DDA1: variants seen among roughly 807,000 people sequenced by gnomAD.
DDA1 encodes the protein DET1- and DDB1-associated protein 1.
Under a neutral mutation model 18.6 loss-of-function variants are expected in DDA1, and 3 were observed. The observed-to-expected ratio is 0.16, with a 90% confidence interval of 0.07 to 0.42. DDA1 has a LOEUF of 0.42. Among genes scored for constraint, DDA1 ranks in the 10% least tolerant of loss-of-function variants. The pLI is 0.99. For missense variants in DDA1, 105 were observed against 138.2 expected (o/e 0.76, Z 1.20); for synonymous variants, 52 against 54.0 (o/e 0.96, Z 0.17).
At chr19:17,311,489 CCA>C (rs2074178853) in intron 1 of DDA1, among the ~76,000 whole-genome samples, 1 of 152,124 alleles carries the variant, frequency 6.6e-6, no homozygotes, top group Non-Finnish European at 1.5e-5. Flanking sequence ...TCAAATGATA[CCA>C]CTTTCTAGCC....
chr19:17,316,754 T>A (rs1217463011), intron 4 of DDA1, among the ~76,000 whole-genome samples: 1 of 151,688 alleles, frequency 6.6e-6, no homozygotes, highest in Non-Finnish European at 1.5e-5. Context: ...GGTGGGCGCC[T>A]GTAGTCCCAG....
At chr19:17,317,098 G>A (rs1339993563) in intron 4 of DDA1, among the ~76,000 whole-genome samples, 2 of 152,038 alleles carry the variant, frequency 1.3e-5, no homozygotes, top group Non-Finnish European at 2.9e-5. Flanking sequence ...GGTGGCGCAC[G>A]CCTGTAATCC....
Position 17,316,002 on chromosome 19 carries a change from C to G in DDA1, c.198+7C>G. On this transcript the variant is annotated splice_region_variant and intron_variant, in intron 4 of 4. Coordinates refer to ENST00000359866, the MANE Select transcript of DDA1 (RefSeq NM_024050.6). ...TCAGCAATGGGACAAAAAGGTGAGG[C>G]CCACAGGGCTCTGGTGCAGGGATTG... is the stretch of plus-strand genomic sequence containing the variant. The G allele has an allele frequency of 6.2e-7, 1 of 1,614,106 alleles. No homozygotes were observed. Among genetic ancestry groups the G allele is most frequent in the Non-Finnish European group, 8.5e-7 (1 of 1,179,952 alleles).
chr19:17,315,200 T>TATACGCACGTATATAC lies in DDA1; in HGVS notation c.137-733_137-732insTACGCACGTATATACA. Among the ~76,000 whole-genome samples, 5 of 13,778 alleles carry TATACGCACGTATATAC rather than the reference T, an allele frequency of 3.6e-4. 2 individuals are homozygous for TATACGCACGTATATAC. Among genetic ancestry groups the TATACGCACGTATATAC allele is most frequent in the African/African-American group, 3.0e-3 (5 of 1,668 alleles). The allele number at this position is 13,778 out of a possible 152,430, so 9.0% of individuals were successfully genotyped here. A position where few individuals can be genotyped will look rare whatever the true frequency, so the allele number is the denominator to read the frequency against. On this transcript the variant is annotated intron_variant, in intron 3 of 4. Coordinates refer to ENST00000359866, the MANE Select transcript of DDA1 (RefSeq NM_024050.6). ...ACACACGTGTATACACACACGTGTA[T>TATACGCACGTATATAC]ACACACGTGTATATACACACACGTG... is the stretch of plus-strand genomic sequence containing the variant.
rs1568353831 is a variant in DDA1, at chr19:17,315,229, ACACACACACG to A, written c.137-704_137-695del. Among the ~76,000 whole-genome samples, 98 of 36,628 alleles carry A rather than the reference ACACACACACG, an allele frequency of 2.7e-3. 22 individuals are homozygous for A. Among genetic ancestry groups the A allele is most frequent in the Middle Eastern group, 0.027 (2 of 74 alleles). The allele number at this position is 36,628 out of a possible 152,430, so 24.0% of individuals were successfully genotyped here. On this transcript the variant is annotated intron_variant, in intron 3 of 4. Coordinates refer to ENST00000359866, the MANE Select transcript of DDA1 (RefSeq NM_024050.6). ...CACGTGTATATACACACACGTGTAT[ACACACACACG>A]TGTATATACACACACGTGTATATAC...
intron 4 of DDA1, among the ~76,000 whole-genome samples, chr19:17,318,147 G>A (rs552736880): frequency 1.3e-5 from 2 of 151,992 alleles, no homozygotes. Context: ...CCACCTCCCA[G>A]GTTCAAGCAA....
intron 1 of DDA1, among the ~76,000 whole-genome samples, chr19:17,313,691 C>T (rs557719608): frequency 2.7e-4 from 41 of 152,276 alleles, no homozygotes; most frequent in African/African-American, 9.9e-4. Flanking sequence ...GATGCGCCCG[C>T]CTCGGCCTCC....
At chr19:17,309,768 C>T in intron 1 of DDA1, 111 bp downstream of exon 1, 1 of 1,378,716 alleles carries the variant, frequency 7.3e-7, no homozygotes, top group East Asian at 2.6e-5. Context: ...CCGGTCCCCT[C>T]AGGTCCGGCC....
In DDA1 at chr19:17,320,418, C is replaced by A. The variant is rs900844373; in HGVS notation, c.*762C>A. 2 of 152,298 alleles carry A rather than the reference C, an allele frequency of 1.3e-5. No homozygotes were observed. Among genetic ancestry groups the A allele is most frequent in the African/African-American group, 2.4e-5 (1 of 41,450 alleles). The allele number at this position is 152,298 out of a possible 1,614,324, so 9.4% of individuals were successfully genotyped here. On this transcript the variant is annotated 3_prime_UTR_variant, in exon 5 of 5. Transcript: ENST00000359866. ...CAGGGGCCCCAGGACCGGCTGGATT[C>A]TCTCGTGGGCTTGCTGAGGCCACCA...
chr19:17,310,982 C>T (rs1473026020), intron 1 of DDA1, among the ~76,000 whole-genome samples: 6 of 151,938 alleles, frequency 3.9e-5, no homozygotes, highest in Admixed American at 1.3e-4. Flanking sequence ...CTCACTCTGG[C>T]GCCCAGACTG....
chr19:17,319,104 G>A (rs2074227391), intron 4 of DDA1, among the ~76,000 whole-genome samples: 1 of 152,216 alleles, frequency 6.6e-6, no homozygotes, highest in Admixed American at 6.5e-5. Context: ...CTGAGTGCTT[G>A]AGAAACCAGC....
rs148196076 is a variant in DDA1, at chr19:17,315,989, C to G, written c.192C>G (p.Asp64Glu). The G allele has an allele frequency of 1.9e-6, 3 of 1,614,028 alleles. No homozygotes were observed. The highest frequency in any genetic ancestry group is 2.5e-6 in the Non-Finnish European group (3 of 1,180,010). The change falls in exon 4 of 5, where the codon GAC becomes GAG. Residue 64 changes from aspartate to glutamate, a missense_variant. Coordinates refer to ENST00000359866, the MANE Select transcript of DDA1 (RefSeq NM_024050.6). ...ILLRYLHQQW[D>E]KKNAAKKRDQ... The stretch of plus-strand genomic sequence containing the variant: ...TGCGCTACCTGCATCAGCAATGGGA[C>G]AAAAAGGTGAGGCCCACAGGGCTCT...
Position 17,314,430 on chromosome 19 carries a change from G to A in DDA1, c.136+41G>A, listed in dbSNP as rs760790594. ...CAGTCTGTCCCATTCTGGCTGCTGA[G>A]GGGCGGGGTTTGGTGACTGCAGCGT... On this transcript the variant is annotated intron_variant, in intron 3 of 4. Coordinates refer to ENST00000359866, the MANE Select transcript of DDA1 (RefSeq NM_024050.6). The surrounding 1 kb of genome is among the most constrained non-coding windows in gnomAD (Gnocchi z 4.6). 3 of 1,613,894 alleles carry A rather than the reference G, an allele frequency of 1.9e-6. No individual in the cohort carries two copies. Among genetic ancestry groups the A allele is most frequent in the South Asian group, 1.1e-5 (1 of 91,080 alleles).
chr19:17,309,789 A>G (rs897332788), intron 1 of DDA1, 132 bp downstream of exon 1: 2 of 1,184,914 alleles, frequency 1.7e-6, no homozygotes, highest in African/African-American at 1.8e-5. Context: ...CGCCCCTCCC[A>G]CTCACCTGTG....
chr19:17,319,401 C>G (rs563226623), intron 4 of DDA1, 145 bp from the exon 5 acceptor site: 1 of 665,564 alleles, frequency 1.5e-6, no homozygotes, highest in Admixed American at 2.9e-5. Context: ...CCATGTCTAC[C>G]AAAAGTAAAA....
chr19:17,315,191 A>G (rs1490480986), intron 3 of DDA1, among the ~76,000 whole-genome samples: 1 of 24,220 alleles, frequency 4.1e-5, no homozygotes, highest in African/African-American at 3.7e-4. Flanking sequence ...GTGTATACAC[A>G]CACGTGTATA....
At position 17,322,001 on chromosome 19, in the gene DDA1, G is replaced by A. The variant is rs2145680542; in HGVS notation, c.*2345G>A. On this transcript the variant is annotated 3_prime_UTR_variant, in exon 5 of 5. Transcript: ENST00000359866. ...GGGTTGGTGTGACCTGGGCAGGCCT[G>A]CGGTGTCCATCTGTGAATGACTGAG... The A allele has an allele frequency of 6.6e-6, 1 of 152,576 alleles. No homozygotes were observed. Among genetic ancestry groups the A allele is most frequent in the East Asian group, 1.9e-4 (1 of 5,190 alleles). 9.5% of individuals were successfully genotyped at this position (152,576 alleles called of 1,614,324 possible). A position where few individuals can be genotyped will look rare whatever the true frequency, so the allele number is the denominator to read the frequency against.
At position 17,323,146 on chromosome 19, in the gene DDA1, G is replaced by C. The variant is rs111671163; in HGVS notation, c.*3490G>C. 11 of 153,568 alleles carry C rather than the reference G, an allele frequency of 7.2e-5. No homozygotes were observed. Among genetic ancestry groups the C allele is most frequent in the African/African-American group, 2.6e-4 (11 of 41,520 alleles). The allele number at this position is 153,568 out of a possible 1,614,324, so 9.5% of individuals were successfully genotyped here. On this transcript the variant is annotated 3_prime_UTR_variant, in exon 5 of 5. Coordinates refer to ENST00000359866, the MANE Select transcript of DDA1 (RefSeq NM_024050.6). ...AAGCCAGCCTGTACCAGGATGGGGG[G>C]AGGGGGTTCCCAACCTAGGCCCCAG...
rs375115330 is a variant in DDA1 at position 17,319,667 on chromosome 19, T to G, written c.*11T>G. On this transcript the variant is annotated 3_prime_UTR_variant, in exon 5 of 5. Coordinates refer to ENST00000359866, the MANE Select transcript of DDA1 (RefSeq NM_024050.6). Reference sequence around the variant, plus strand: ...CACGAGGACACTTAAGACTCTCAACTCCACAGGCGCCTCCTGCCAGGTCTG... The same window carrying G: ...CACGAGGACACTTAAGACTCTCAACGCCACAGGCGCCTCCTGCCAGGTCTG... 7.7e-5 allele frequency: 120 copies of G among 1,554,406 alleles called. No individual in the cohort carries two copies. Among genetic ancestry groups the G allele is most frequent in the Non-Finnish European group, 9.9e-5 (114 of 1,148,446 alleles).
Sources: allele counts gnomAD v4.1 joint callset (sites outside exome capture counted in the v4.1 genomes callset), GRCh38; gene constraint gnomAD v4.1.1; non-coding constraint Gnocchi (gnomAD v3.1); transcripts MANE v1.5; gene names NCBI Gene and HGNC (gene_info 2026-07-23, HGNC 2026-07-21).